Variants in COL20A1 observed in about 807,000 individuals in gnomAD.
COL20A1 encodes the protein collagen type XX alpha 1 chain.
In COL20A1, 164 loss-of-function variants were observed where a neutral mutation model predicts 152.9. That is an observed-to-expected ratio of 1.07 (90% CI 0.94 to 1.22). COL20A1 has a LOEUF of 1.22. Ranked by LOEUF, COL20A1 falls within the 50% of genes most tolerant of loss-of-function variation. COL20A1 has a pLI of 0.00. For missense variants in COL20A1, 1,873 were observed against 1,744.8 expected, an observed-to-expected ratio of 1.07 and a Z score of -1.31; for synonymous variants, 864 against 756.0, an observed-to-expected ratio of 1.14 and a Z score of -2.34.
Position 63,309,832 on chromosome 20 carries a change from C to T in COL20A1, c.1180C>T (p.Arg394Cys), listed in dbSNP as rs763769391. 8.7e-6 allele frequency: 14 copies of T among 1,610,670 alleles called. No homozygotes were observed. The highest frequency in any genetic ancestry group is 7.7e-5 in the South Asian group (7 of 90,748). Reference sequence around the variant, plus strand: ...GAGCCAGGTGACCTCCTCCAGCATCCGCCTGTCCTGGACTCCAGCCCCCCG... The same window carrying T: ...GAGCCAGGTGACCTCCTCCAGCATCTGCCTGTCCTGGACTCCAGCCCCCCG... ...VLSQVTSSSIRLSWTPAPRHP... is the reference protein window; with the variant it reads ...VLSQVTSSSICLSWTPAPRHP... Residue 394 changes from arginine to cysteine, a missense_variant, in exon 10 of 36, where the codon CGC becomes TGC. Coordinates refer to ENST00000358894, the MANE Select transcript of COL20A1 (RefSeq NM_020882.4).
chr20:63,315,612 C>T (rs1340348737), intron 20 of COL20A1, among the ~76,000 whole-genome samples, 173 bp downstream of exon 20: 2 of 152,198 alleles, frequency 1.3e-5, no homozygotes, highest in Non-Finnish European at 2.9e-5. Flanking sequence ...GGTGGTTATT[C>T]CTGCTTCTCA....
chr20:63,312,944 G>A lies in COL20A1; in HGVS notation c.2076+10G>A. Reference sequence around the variant, plus strand: ...GGGGAAGGCTCACGAGGTGGGCAGGGGTGGGTTTGTCCTTCCGAGGGGCCC... The same window carrying A: ...GGGGAAGGCTCACGAGGTGGGCAGGAGTGGGTTTGTCCTTCCGAGGGGCCC... On this transcript the variant is annotated intron_variant, in intron 16 of 35. Transcript: ENST00000358894. The A allele has an allele frequency of 6.5e-7, 1 of 1,542,866 alleles. No homozygotes were observed. Among genetic ancestry groups the A allele is most frequent in the Non-Finnish European group, 8.8e-7 (1 of 1,140,336 alleles).
rs111347131 is a variant in COL20A1, at chr20:63,323,454, C to T, written c.3294+1343C>T. On this transcript the variant is annotated intron_variant, in intron 27 of 35. Transcript: ENST00000358894. ...CCGAGAGTAGAAATCGCGCCTCCTC[C>T]TGGTTCCTCCTGGTGCTTCCAGGCA... is the stretch of plus-strand genomic sequence containing the variant. Among the ~76,000 whole-genome samples, 143 of 152,352 alleles carry T rather than the reference C, an allele frequency of 9.4e-4. 2 individuals are homozygous for T. Among genetic ancestry groups the T allele is most frequent in the South Asian group, 4.3e-3 (21 of 4,830 alleles).
rs1297026455 is a variant in COL20A1 at position 63,320,366 on chromosome 20, T to C, written c.3151T>C (p.Ser1051Pro). 1.2e-6 allele frequency: 2 copies of C among 1,610,924 alleles called. No homozygotes were observed. Among genetic ancestry groups the C allele is most frequent in the South Asian group, 1.1e-5 (1 of 91,082 alleles). Residue 1051 changes from serine (S) to proline (P), a missense_variant and splice_region_variant, in exon 25 of 36, where the codon TCG (serine) becomes CCG (proline). Transcript: ENST00000358894. ...DEDRCCELPA[S>P]RDGETCPAFV... ...GGACCGGTGCTGTGAGCTCCCTGCC[T>C]CGGTGTGCCCCGTCCCTTGCCCCTG...
chr20:63,299,226 G>A lies in COL20A1; in HGVS notation c.193+1206G>A, dbSNP rs557105404. Among the ~76,000 whole-genome samples, 5 of 152,326 alleles carry A rather than the reference G, an allele frequency of 3.3e-5. No individual in the cohort carries two copies. In the South Asian group the frequency reaches 8.3e-4, roughly 25 times the overall value. ...GATCCCGCGTGTGTTTCTGGTGTCC[G>A]TGCGCCTGTTCTGGGTGTAAACCCA... On this transcript the variant is annotated intron_variant, in intron 3 of 35. Coordinates refer to ENST00000358894, the MANE Select transcript of COL20A1 (RefSeq NM_020882.4).
Position 63,298,027 on chromosome 20 carries a change from A to G in COL20A1, c.193+7A>G. On this transcript the variant is annotated splice_region_variant and intron_variant, in intron 3 of 35. Coordinates refer to ENST00000358894, the MANE Select transcript of COL20A1 (RefSeq NM_020882.4). ...CAGGTGAAGCCCATGGCAGGTGAGGACCTGCCCCTCCCAGGCCCCCTTCCC... is the reference window on the plus strand; with the variant it reads ...CAGGTGAAGCCCATGGCAGGTGAGGGCCTGCCCCTCCCAGGCCCCCTTCCC... The G allele has an allele frequency of 6.3e-7, 1 of 1,594,336 alleles. No individual in the cohort carries two copies. Among genetic ancestry groups the G allele is most frequent in the South Asian group, 1.1e-5 (1 of 90,652 alleles).
At chr20:63,320,729 C>G (rs560574260) in intron 25 of COL20A1, among the ~76,000 whole-genome samples, 14 of 152,250 alleles carry the variant, frequency 9.2e-5, no homozygotes, top group Middle Eastern at 3.4e-3. Context: ...TACTGGGGGC[C>G]CAGACGGGAG....
chr20:63,308,836 G>T (rs1455153550), intron 8 of COL20A1, 130 bp downstream of exon 8: 2 of 843,274 alleles, frequency 2.4e-6, no homozygotes, highest in Admixed American at 6.4e-5. Flanking sequence ...GGAGCTGCAC[G>T]CAGAGCCAGG....
intron 14 of COL20A1, 106 bp downstream of exon 14, chr20:63,312,161 A>C: frequency 2.3e-6 from 3 of 1,312,838 alleles, no homozygotes; most frequent in Non-Finnish European, 2.0e-6. Context: ...TCAAAACCAC[A>C]GCGGCCACGA....
At position 63,311,615 on chromosome 20, in the gene COL20A1, G is replaced by T. The variant is rs1284132625; in HGVS notation, c.1540-10G>T. The T allele has an allele frequency of 1.2e-5, 20 of 1,610,448 alleles. 1 individual carries two copies. In the Admixed American group the frequency reaches 3.3e-4, roughly 27 times the overall value. ...AGTGGGGGCTGGCCTGGGACGTCATGTCTCTGCAGGTGCAGGTCGGGCGGC... is the reference window on the plus strand; with the variant it reads ...AGTGGGGGCTGGCCTGGGACGTCATTTCTCTGCAGGTGCAGGTCGGGCGGC... On this transcript the variant is annotated splice_polypyrimidine_tract_variant and intron_variant, in intron 12 of 35. Coordinates refer to ENST00000358894, the MANE Select transcript of COL20A1 (RefSeq NM_020882.4). This position sits in a 1 kb window ranked among gnomAD's most constrained non-coding sequence, Gnocchi z 4.4.
chr20:63,333,992 A>T lies in COL20A1; in HGVS notation c.*3276A>T, dbSNP rs1033639107. The T allele has an allele frequency of 6.6e-6, 1 of 152,300 alleles. No homozygotes were observed. Among genetic ancestry groups the T allele is most frequent in the South Asian group, 2.1e-4 (1 of 4,836 alleles). The allele number at this position is 152,300 out of a possible 1,614,324, so 9.4% of individuals were successfully genotyped here. On this transcript the variant is annotated 3_prime_UTR_variant, in exon 36 of 36. Coordinates refer to ENST00000358894, the MANE Select transcript of COL20A1 (RefSeq NM_020882.4). ...CATTTCTTGGGGAAGGGCGTGGAACATTTGGACTTGAGCCCCAGCACAGAG... is the reference window on the plus strand; with the variant it reads ...CATTTCTTGGGGAAGGGCGTGGAACTTTTGGACTTGAGCCCCAGCACAGAG...
chr20:63,312,220 G>T (rs2068018149), intron 14 of COL20A1, among the ~76,000 whole-genome samples, 165 bp downstream of exon 14: 2 of 152,172 alleles, frequency 1.3e-5, no homozygotes, highest in East Asian at 1.9e-4. Flanking sequence ...TGTGGGGTCT[G>T]GGGGGAACCA....
rs765067131 is a variant in COL20A1, at chr20:63,297,915, G to C, written c.88G>C (p.Gly30Arg). The C allele has an allele frequency of 1.2e-6, 2 of 1,613,090 alleles. No homozygotes were observed. Among genetic ancestry groups the C allele is most frequent in the East Asian group, 4.5e-5 (2 of 44,886 alleles). ...TLGREQVQAS[G>R]LLRLAVLPED... ...ACTATGTCCTGTTTCTGTAGCAAGC[G>C]GTCTCCTGAGGCTGGCTGTGCTGCC... The change falls in exon 3 of 36, where the codon GGT (glycine) becomes CGT (arginine). Residue 30 changes from glycine to arginine, a missense_variant. Transcript: ENST00000358894.
At chr20:63,329,109 TCTCTG>T in intron 34 of COL20A1, 1 of 180,650 alleles carries the variant, frequency 5.5e-6, no homozygotes, top group Non-Finnish European at 1.2e-5. Context: ...AGCGGGGGCA[TCTCTG>T]CTCTGTTCGG....
rs2123438542 is a variant in COL20A1, at chr20:63,328,340, C to CA, written c.3626dup (p.Phe1210ValfsTer24). On this transcript the variant is annotated frameshift_variant, in exon 34 of 36. Coordinates refer to ENST00000358894, the MANE Select transcript of COL20A1 (RefSeq NM_020882.4). LOFTEE classifies it high-confidence loss of function. ...CCCCTCCTCCCCACAGCACACGTGT[C>CA]AAAGTTCGACTCCTTCCACGAGAAC... is the stretch of plus-strand genomic sequence containing the variant. The CA allele has an allele frequency of 6.2e-7, 1 of 1,611,602 alleles. No individual in the cohort carries two copies. The highest frequency in any genetic ancestry group is 1.1e-5 in the South Asian group (1 of 90,688).
At chr20:63,327,237 C>T in intron 31 of COL20A1, 1 of 195,308 alleles carries the variant, frequency 5.1e-6, no homozygotes. Flanking sequence ...TTCCTGTTGG[C>T]CACTCAGGGA....
At chr20:63,295,381 C>A (rs2067774604) in intron 2 of COL20A1, among the ~76,000 whole-genome samples, 192 bp downstream of exon 2, 1 of 152,264 alleles carries the variant, frequency 6.6e-6, no homozygotes, top group African/African-American at 2.4e-5. Flanking sequence ...TTCAGCCTCG[C>A]CTTGGGAGCA....
intron 33 of COL20A1, 70 bp downstream of exon 33, chr20:63,328,197 C>CA: frequency 6.3e-7 from 1 of 1,590,082 alleles, no homozygotes; most frequent in East Asian, 2.3e-5. Flanking sequence ...TGTCTGTCCT[C>CA]ACACTGGCCA....
In COL20A1 at chr20:63,310,040, G is replaced by A. The variant is rs73921038; in HGVS notation, c.1263+125G>A. On this transcript the variant is annotated intron_variant, in intron 10 of 35. Transcript: ENST00000358894. ...GGGTCCAGGCTGAGAAGGGGGTGTC[G>A]AGGGGCTGACAGCCCAGGGACTCAC... 2.4e-3 allele frequency: 2,294 copies of A among 952,764 alleles called. 43 individuals are homozygous for A. The African/African-American group carries it at 0.03, about 12-fold the overall frequency. 59.0% of individuals were successfully genotyped at this position (952,764 alleles called of 1,614,324 possible). A position where few individuals can be genotyped will look rare whatever the true frequency, so the allele number is the denominator to read the frequency against.
Sources: allele counts gnomAD v4.1 joint callset (sites outside exome capture counted in the v4.1 genomes callset), GRCh38; gene constraint gnomAD v4.1.1; non-coding constraint Gnocchi (gnomAD v3.1); transcripts MANE v1.5; gene names NCBI Gene and HGNC (gene_info 2026-07-23, HGNC 2026-07-21).